Variants in JMJD1C observed in about 807,000 individuals in gnomAD.
The protein encoded by JMJD1C is jumonji domain containing 1C.
In JMJD1C, 31 loss-of-function variants were observed where a neutral mutation model predicts 245.3. That is an observed-to-expected ratio of 0.13 (90% CI 0.09 to 0.17). The LOEUF (loss-of-function observed/expected upper bound fraction) is 0.17. Ranked by LOEUF, JMJD1C falls within the 10% of genes least tolerant of loss-of-function variation. The pLI, the probability that JMJD1C is intolerant of heterozygous loss-of-function variation, is 1.00. For missense variants in JMJD1C, 2,691 were observed against 3,000.2 expected, an observed-to-expected ratio of 0.90 and a Z score of 2.41; for synonymous variants, 1,057 against 1,017.4, an observed-to-expected ratio of 1.04 and a Z score of -0.74.
intron 1 of JMJD1C, among the ~76,000 whole-genome samples, chr10:63,458,627 G>C (rs531074768): frequency 6.6e-6 from 1 of 152,140 alleles, no homozygotes; most frequent in African/African-American, 2.4e-5. Flanking sequence ...AATCGTATTA[G>C]TATTCAAATA....
intron 1 of JMJD1C, among the ~76,000 whole-genome samples, chr10:63,510,978 T>C (rs1011686343): frequency 3.9e-5 from 6 of 152,246 alleles, no homozygotes; most frequent in Non-Finnish European, 7.3e-5. Context: ...TGAAGTCTAC[T>C]ATTAATATAG....
At chr10:63,512,686 C>T (rs1000252689) in intron 1 of JMJD1C, among the ~76,000 whole-genome samples, 1 of 151,698 alleles carries the variant, frequency 6.6e-6, no homozygotes, top group Non-Finnish European at 1.5e-5. Flanking sequence ...TGGCACTTAC[C>T]ATCTTTGGTG....
rs371944099 is a variant in JMJD1C, at chr10:63,358,364, A to G, written c.333+21954T>C. On this transcript the variant is annotated intron_variant, in intron 2 of 25. Coordinates refer to ENST00000399262, the MANE Select transcript of JMJD1C (RefSeq NM_032776.3). ...ACTAATTGTCATGTTTGGATAAAAC[A>G]ATGAAATATGACATAACAATTTAAG... 9.3e-4 allele frequency among the ~76,000 whole-genome samples: 142 copies of G among 152,106 alleles called. No homozygotes were observed. The Middle Eastern group carries it at 0.017, about 18-fold the overall frequency.
At position 63,183,551 on chromosome 10, in the gene JMJD1C, T is replaced by C. The variant is rs1564563969; in HGVS notation, c.6980A>G (p.Asp2327Gly). The change falls in exon 22 of 26, where the codon GAT becomes GGT. Residue 2327 changes from aspartate to glycine, a missense_variant. Around this residue, in one of 9 missense-constraint regions of JMJD1C, gnomAD observed 232 missense variants for 416.1 expected, o/e 0.56. Transcript: ENST00000399262. ...CSAYGVVAAK[D>G]HDIGTTNLHI... ...GAGATTTGTTGTTCCTATATCATGATCTTTAGCAGCAACTACACCTGTATA... is the reference window on the plus strand; with the variant it reads ...GAGATTTGTTGTTCCTATATCATGACCTTTAGCAGCAACTACACCTGTATA... The C allele has an allele frequency of 6.3e-7, 1 of 1,593,982 alleles. No homozygotes were observed. Among genetic ancestry groups the C allele is most frequent in the East Asian group, 2.3e-5 (1 of 44,384 alleles).
intron 2 of JMJD1C, among the ~76,000 whole-genome samples, chr10:63,306,953 C>G (rs1472488584): frequency 1.3e-5 from 2 of 152,114 alleles, no homozygotes; most frequent in South Asian, 2.1e-4. Context: ...ACTTCATTTA[C>G]TTTTTTAAAG....
At chr10:63,357,907 A>AC (rs1302962625) in intron 2 of JMJD1C, among the ~76,000 whole-genome samples, 1 of 148,178 alleles carries the variant, frequency 6.7e-6, no homozygotes, top group East Asian at 2.0e-4. Flanking sequence ...CACTTTTAGT[A>AC]CCCAAAACAG....
At position 63,270,659 on chromosome 10, in the gene JMJD1C, G is replaced by T. The variant is rs534953950; in HGVS notation, c.334-5895C>A. On this transcript the variant is annotated intron_variant, in intron 2 of 25. Coordinates refer to ENST00000399262, the MANE Select transcript of JMJD1C (RefSeq NM_032776.3). ...CTCTTTGTATTTTTTGTAGAGACAG[G>T]GTTTCACCATGTTGTCCAGAATGGT... Among the ~76,000 whole-genome samples, 6 of 152,172 alleles carry T rather than the reference G, an allele frequency of 3.9e-5. No homozygotes were observed. In the South Asian group the frequency reaches 1.2e-3, roughly 32 times the overall value.
chr10:63,446,642 T>A (rs992144092), intron 1 of JMJD1C, among the ~76,000 whole-genome samples: 1 of 152,176 alleles, frequency 6.6e-6, no homozygotes, highest in African/African-American at 2.4e-5. Flanking sequence ...GTGAGCATAA[T>A]GTCCTAGGAT....
chr10:63,432,967 T>C (rs995810178), intron 1 of JMJD1C, among the ~76,000 whole-genome samples: 19 of 152,226 alleles, frequency 1.2e-4, no homozygotes, highest in African/African-American at 4.6e-4. Context: ...AAGGTGATGC[T>C]TTCATTAACT....
intron 3 of JMJD1C, among the ~76,000 whole-genome samples, chr10:63,246,326 A>C (rs1318020711): frequency 1.3e-5 from 2 of 152,186 alleles, no homozygotes; most frequent in Non-Finnish European, 2.9e-5. Flanking sequence ...AAGAAGCATG[A>C]GAAAAGTAAA....
intron 1 of JMJD1C, among the ~76,000 whole-genome samples, chr10:63,401,666 T>G (rs1215702308): frequency 6.6e-6 from 1 of 152,172 alleles, no homozygotes; most frequent in Non-Finnish European, 1.5e-5. Context: ...GTGTGCATTA[T>G]GAAGCTTTGG....
At chr10:63,335,518 T>C (rs1444773074) in intron 2 of JMJD1C, among the ~76,000 whole-genome samples, 1 of 152,212 alleles carries the variant, frequency 6.6e-6, no homozygotes. Flanking sequence ...ACTTGTTTTT[T>C]TGTTTTGTTA....
upstream of JMJD1C, among the ~76,000 whole-genome samples, chr10:63,469,580 C>G (rs527620216): frequency 1.3e-5 from 2 of 152,080 alleles, no homozygotes; most frequent in South Asian, 4.1e-4. Context: ...GGAGATAGGA[C>G]CTTTATCCTT....
chr10:63,397,381 T>C (rs772900983), intron 1 of JMJD1C, among the ~76,000 whole-genome samples: 75 of 150,550 alleles, frequency 5.0e-4, no homozygotes, highest in Non-Finnish European at 9.5e-4. Flanking sequence ...ACCCGGCTTA[T>C]TTTGTATTTT....
intron 2 of JMJD1C, among the ~76,000 whole-genome samples, chr10:63,265,438 C>G (rs1855443882): frequency 6.6e-6 from 1 of 152,068 alleles, no homozygotes; most frequent in Admixed American, 6.6e-5. Context: ...TCATTTGATT[C>G]CTTTAAGAAG....
At chr10:63,470,718 T>C (rs1336733600), upstream of JMJD1C, among the ~76,000 whole-genome samples, 2 of 151,888 alleles carry the variant, frequency 1.3e-5, no homozygotes, top group Admixed American at 1.3e-4. Flanking sequence ...CTTGATGCCA[T>C]GGAAGGAGGG....
rs1953226871 is a variant in JMJD1C, at chr10:63,465,846, A to C, written c.-184T>G. 1 of 723,078 alleles carries C rather than the reference A, an allele frequency of 1.4e-6. No individual in the cohort carries two copies. The highest frequency in any genetic ancestry group is 2.3e-4 in the Middle Eastern group (1 of 4,392). 44.8% of individuals were successfully genotyped at this position (723,078 alleles called of 1,614,324 possible). ...ACAGCGACCTCGGGCCCTCCCCGCAAACACTCCTTTGGACTCCCAGATTCG... is the reference window on the plus strand; with the variant it reads ...ACAGCGACCTCGGGCCCTCCCCGCACACACTCCTTTGGACTCCCAGATTCG... On this transcript the variant is annotated 5_prime_UTR_variant, in exon 1 of 26. Coordinates refer to ENST00000399262, the MANE Select transcript of JMJD1C (RefSeq NM_032776.3).
At chr10:63,204,501 T>A (rs556539108) in intron 10 of JMJD1C, 109 of 985,304 alleles carry the variant, frequency 1.1e-4, no homozygotes, top group Non-Finnish European at 1.3e-4. Flanking sequence ...TTTGTTTTTG[T>A]TTTTTAAGTT....
intron 2 of JMJD1C, among the ~76,000 whole-genome samples, chr10:63,339,404 T>C (rs2134218457): frequency 6.6e-6 from 1 of 152,228 alleles, no homozygotes; most frequent in Non-Finnish European, 1.5e-5. Context: ...ATACACGGTA[T>C]GAGAAAATGG....
Sources: gnomAD v4.1 joint callset for allele counts (sites outside exome capture counted in the v4.1 genomes callset) on GRCh38, gnomAD v4.1.1 for gene constraint, gnomAD v4.1.1 regional missense constraint, MANE v1.5 for transcripts, NCBI Gene and HGNC (gene_info 2026-07-23, HGNC 2026-07-21) for gene names.